The following FBXO10 variants were observed in gnomAD, a reference collection of about 807,000 sequenced individuals.
FBXO10 encodes the protein F-box only protein 10.
Under a neutral mutation model 80.7 loss-of-function variants are expected in FBXO10, and 39 were observed. That is an observed-to-expected ratio of 0.48 (90% CI 0.37 to 0.63). The LOEUF (loss-of-function observed/expected upper bound fraction) is 0.63. FBXO10 is among the 30% of genes least tolerant of loss of function. The pLI, the probability that FBXO10 is intolerant of heterozygous loss-of-function variation, is 0.00. For missense variants in FBXO10, 1,025 were observed against 1,269.0 expected (o/e 0.81, Z 2.92); for synonymous variants, 449 against 489.6 (o/e 0.92, Z 1.09).
At chr9:37,525,844 T>C (rs745661342) in intron 5 of FBXO10, among the ~76,000 whole-genome samples, 1 of 152,096 alleles carries the variant, frequency 6.6e-6, no homozygotes, top group Non-Finnish European at 1.5e-5. Flanking sequence ...TGGCCTTATA[T>C]GTATTTTATC....
At chr9:37,559,251 A>G (rs1822416810) in intron 1 of FBXO10, among the ~76,000 whole-genome samples, 1 of 152,200 alleles carries the variant, frequency 6.6e-6, no homozygotes, top group African/African-American at 2.4e-5. Flanking sequence ...GAATCTCTGG[A>G]GTGGAACCAA....
At chr9:37,549,543 G>A (rs897373491) in intron 1 of FBXO10, among the ~76,000 whole-genome samples, 1 of 152,106 alleles carries the variant, frequency 6.6e-6, no homozygotes, top group Non-Finnish European at 1.5e-5. Context: ...TATCACCTCA[G>A]TACACATCCT....
intron 2 of FBXO10, among the ~76,000 whole-genome samples, chr9:37,538,544 C>G (rs1295734513): frequency 6.6e-6 from 1 of 152,042 alleles, no homozygotes; most frequent in Non-Finnish European, 1.5e-5. Flanking sequence ...CTCATCTCCA[C>G]TAAAAATACA....
At chr9:37,550,875 A>G (rs1822182356) in intron 1 of FBXO10, among the ~76,000 whole-genome samples, 1 of 152,172 alleles carries the variant, frequency 6.6e-6, no homozygotes, top group South Asian at 2.1e-4. Flanking sequence ...CATCCATCCC[A>G]ATAGCCCCAA....
At chr9:37,540,713 G>T (rs1821888512) in intron 2 of FBXO10, among the ~76,000 whole-genome samples, 1 of 152,130 alleles carries the variant, frequency 6.6e-6, no homozygotes, top group Admixed American at 6.6e-5. Flanking sequence ...GCAAATCATG[G>T]TAAAAGCCTG....
In FBXO10 at chr9:37,537,512, C is replaced by T; in HGVS notation, c.1017G>A (p.Glu339=). 1 of 1,612,284 alleles carries T rather than the reference C, an allele frequency of 6.2e-7. No homozygotes were observed. The highest frequency in any genetic ancestry group is 2.2e-5 in the East Asian group (1 of 44,850). ...CCACCCTTTCACCATCACTACCCAC[C>T]TCTGCCTCCTGTGAGCCAGCCTTGG... ...PGSKAGSQEA[E]VGSDGERVAQ... is the part of the protein sequence containing the mutation. The change falls in exon 3 of 11, where the codon GAG becomes GAA. Residue 339 remains glutamate (E), a synonymous_variant. Transcript: ENST00000432825.
intron 1 of FBXO10, among the ~76,000 whole-genome samples, chr9:37,555,700 G>GT (rs146533513): frequency 0.087 from 12,619 of 145,586 alleles, 602 homozygotes; most frequent in South Asian, 0.15. Flanking sequence ...GTTTTTAATT[G>GT]TTTTTTTTAA....
chr9:37,570,730 C>T (rs1822729482), intron 1 of FBXO10, among the ~76,000 whole-genome samples: 1 of 152,178 alleles, frequency 6.6e-6, no homozygotes, highest in Admixed American at 6.5e-5. Flanking sequence ...TGCGGTGGCT[C>T]ACGCCTGTAA....
intron 1 of FBXO10, among the ~76,000 whole-genome samples, chr9:37,556,533 ATTTTTTTTTTT>A (rs60829486): frequency 6.7e-5 from 5 of 75,116 alleles, no homozygotes; most frequent in South Asian, 4.8e-4. Flanking sequence ...TTTGTTCTGG[ATTTTTTTTTTT>A]TTTTTTTTTT....
In FBXO10 at chr9:37,548,851, C is replaced by T. The variant is rs568225665; in HGVS notation, c.-6-7077G>A. Among the ~76,000 whole-genome samples, 6 of 152,178 alleles carry T rather than the reference C, an allele frequency of 3.9e-5. No homozygotes were observed. In the East Asian group the frequency reaches 5.8e-4, roughly 15 times the overall value. ...GCAACCTCTTCCTCCTGGGTTCAAGCGATTCTCCTGCCTCTGCCTCCCAGG... is the reference window on the plus strand; with the variant it reads ...GCAACCTCTTCCTCCTGGGTTCAAGTGATTCTCCTGCCTCTGCCTCCCAGG... On this transcript the variant is annotated intron_variant, in intron 1 of 10. Transcript: ENST00000432825.
rs7035751 is a variant in FBXO10 at position 37,535,832 on chromosome 9, C to T, written c.1419+1278G>A. The stretch of plus-strand genomic sequence containing the variant: ...CCCCTTACTTCTGGGCCTTCACACA[C>T]ACCTCCTTTGCCTCGCGTCTTCACC... On this transcript the variant is annotated intron_variant, in intron 3 of 10. Transcript: ENST00000432825. Among the ~76,000 whole-genome samples, 602 of 152,322 alleles carry T rather than the reference C, an allele frequency of 4.0e-3. 6 individuals carry two copies. Among genetic ancestry groups the T allele is most frequent in the African/African-American group, 0.014 (562 of 41,570 alleles).
intron 1 of FBXO10, among the ~76,000 whole-genome samples, chr9:37,564,228 T>C (rs1927153): frequency 0.064 from 9,801 of 152,318 alleles, 348 homozygotes; most frequent in Middle Eastern, 0.11. Flanking sequence ...AGAACTGAGG[T>C]ATAGAAACCT....
At chr9:37,543,481 C>T (rs1378945518) in intron 1 of FBXO10, among the ~76,000 whole-genome samples, 3 of 152,104 alleles carry the variant, frequency 2.0e-5, no homozygotes, top group African/African-American at 7.2e-5. Flanking sequence ...TGATCATTTT[C>T]CCCAGGCTGG....
At position 37,510,923 on chromosome 9, in the gene FBXO10, GT is replaced by G; in HGVS notation, c.*1623del. On this transcript the variant is annotated 3_prime_UTR_variant, in exon 11 of 11. Coordinates refer to ENST00000432825, the MANE Select transcript of FBXO10 (RefSeq NM_012166.3). ...TTTTAAAATATAGAACTTTATTTTGGTTACTGAGGTTTTTGTTACTGTTGGT... is the reference window on the plus strand; with the variant it reads ...TTTTAAAATATAGAACTTTATTTTGGTACTGAGGTTTTTGTTACTGTTGGT... 6.5e-6 allele frequency: 1 copy of G among 152,770 alleles called. No homozygotes were observed. 9.5% of individuals were successfully genotyped at this position (152,770 alleles called of 1,614,324 possible).
At chr9:37,528,221 T>C (rs1200389362) in intron 5 of FBXO10, among the ~76,000 whole-genome samples, 22 of 152,228 alleles carry the variant, frequency 1.4e-4, no homozygotes. Context: ...CTTCCTCATC[T>C]GGCCCAAGCC....
intron 3 of FBXO10, among the ~76,000 whole-genome samples, chr9:37,532,369 C>G (rs1004023911): frequency 6.7e-6 from 1 of 148,310 alleles, no homozygotes; most frequent in Non-Finnish European, 1.5e-5. Flanking sequence ...GGCATGATCT[C>G]GGCTTACTGC....
chr9:37,574,637 G>A (rs1022422270), intron 1 of FBXO10, among the ~76,000 whole-genome samples: 10 of 152,180 alleles, frequency 6.6e-5, no homozygotes, highest in Admixed American at 3.9e-4. Context: ...CTGGTGTGAG[G>A]GATCAGGAAA....
rs542753989 is a variant in FBXO10, at chr9:37,532,159, C to G, written c.1420-101G>C. On this transcript the variant is annotated intron_variant, in intron 3 of 10. Transcript: ENST00000432825. ...TCTTTTCCGCACCACCTGATCCATG[C>G]AGTTTACCCCGTAGGCAAGAGAAAC... is the stretch of plus-strand genomic sequence containing the variant. 2.4e-5 allele frequency: 31 copies of G among 1,305,762 alleles called. No homozygotes were observed. The Admixed American group carries it at 3.5e-4, about 15-fold the overall frequency. The allele number at this position is 1,305,762 out of a possible 1,614,324, so 80.9% of individuals were successfully genotyped here.
In FBXO10 at chr9:37,512,450, AG is replaced by A. The variant is rs1821079651; in HGVS notation, c.*96del. Reference sequence around the variant, plus strand: ...TGGAGGCCCGGGACCCATTTGTTCGAGGGGGAGGGGGAGGGGCGGAGTCTTT... The same window carrying A: ...TGGAGGCCCGGGACCCATTTGTTCGAGGGGAGGGGGAGGGGCGGAGTCTTT... On this transcript the variant is annotated 3_prime_UTR_variant, in exon 11 of 11. Coordinates refer to ENST00000432825, the MANE Select transcript of FBXO10 (RefSeq NM_012166.3). The A allele has an allele frequency of 7.2e-7, 1 of 1,391,104 alleles. No individual in the cohort carries two copies. The highest frequency in any genetic ancestry group is 1.4e-5 in the South Asian group (1 of 73,206). The allele number at this position is 1,391,104 out of a possible 1,614,324, so 86.2% of individuals were successfully genotyped here.
Sources: allele counts gnomAD v4.1 joint callset (sites outside exome capture counted in the v4.1 genomes callset), GRCh38; gene constraint gnomAD v4.1.1; transcripts MANE v1.5; gene names NCBI Gene and HGNC (gene_info 2026-07-23, HGNC 2026-07-21).